Variants in NFIC observed in about 807,000 individuals in gnomAD.
NFIC encodes nuclear factor 1 C-type.
In NFIC, 12 loss-of-function variants were observed where a neutral mutation model predicts 54.4. That is an observed-to-expected ratio of 0.22 (90% CI 0.14 to 0.36). The LOEUF (loss-of-function observed/expected upper bound fraction) is 0.36. Among genes scored for constraint, NFIC ranks in the 10% least tolerant of loss-of-function variants. NFIC has a pLI of 1.00. For synonymous variants in NFIC, 322 were observed against 319.2 expected, an observed-to-expected ratio of 1.01 and a Z score of -0.09; for missense variants, 575 against 718.2, an observed-to-expected ratio of 0.80 and a Z score of 2.28.
chr19:3,413,180 C>T (rs1282696365), intron 2 of NFIC, among the ~76,000 whole-genome samples: 3 of 152,118 alleles, frequency 2.0e-5, no homozygotes, highest in Non-Finnish European at 4.4e-5. Flanking sequence ...AACTCCCGAC[C>T]TCAGGTGATC....
At chr19:3,397,624 T>C (rs2081485486) in intron 2 of NFIC, among the ~76,000 whole-genome samples, 1 of 152,188 alleles carries the variant, frequency 6.6e-6, no homozygotes, top group African/African-American at 2.4e-5. Context: ...CTCCCGGCCT[T>C]GCGAGTCTCC....
At chr19:3,379,912 G>T (rs2145466908) in intron 1 of NFIC, among the ~76,000 whole-genome samples, 1 of 150,670 alleles carries the variant, frequency 6.6e-6, no homozygotes, top group South Asian at 2.1e-4. Context: ...GAACTCCTGG[G>T]CTCAAGCAGT....
intron 6 of NFIC, among the ~76,000 whole-genome samples, chr19:3,435,795 G>T (rs190525146): frequency 3.8e-4 from 56 of 148,190 alleles, no homozygotes; most frequent in African/African-American, 1.4e-3. Context: ...CTTCAGAAGG[G>T]TCCTCTCTGG....
chr19:3,366,358 A>G (rs1291664358), upstream of NFIC, among the ~76,000 whole-genome samples: 12 of 110,060 alleles, frequency 1.1e-4, no homozygotes, highest in African/African-American at 2.1e-4. Flanking sequence ...TGGGAGGGGG[A>G]GGGTGTCAGA....
Position 3,428,035 on chromosome 19 carries a change from A to T in NFIC, c.634+2858A>T, listed in dbSNP as rs144667134. Among the ~76,000 whole-genome samples, 575 of 148,726 alleles carry T rather than the reference A, an allele frequency of 3.9e-3. 3 individuals are homozygous for T. Among genetic ancestry groups the T allele is most frequent in the African/African-American group, 0.014 (550 of 40,166 alleles). On this transcript the variant is annotated intron_variant, in intron 3 of 10. Coordinates refer to ENST00000443272, the MANE Select transcript of NFIC (RefSeq NM_001245002.2). ...ATATACAAAAATTAGCCAGGCGTGG[A>T]GGCACATGCCTGTAATCCCAGCTAC...
chr19:3,378,037 G>A lies in NFIC; in HGVS notation c.31-3675G>A, dbSNP rs1166979606. Among the ~76,000 whole-genome samples, 3 of 152,048 alleles carry A rather than the reference G, an allele frequency of 2.0e-5. No homozygotes were observed. The East Asian group carries it at 5.8e-4, about 30-fold the overall frequency. On this transcript the variant is annotated intron_variant, in intron 1 of 10. Coordinates refer to ENST00000443272, the MANE Select transcript of NFIC (RefSeq NM_001245002.2). ...AGGCAGGTGGACCACCTGAGGTCAG[G>A]AGTTCAAGACCAGCCTGGCCAACAT...
chr19:3,366,687 C>G (rs1326967488), intron 1 of NFIC, 21 bp downstream of exon 1: 3 of 1,384,136 alleles, frequency 2.2e-6, no homozygotes, highest in Admixed American at 3.0e-5. Context: ...CGCCCGGCCC[C>G]CCGCCGGCGC....
intron 2 of NFIC, among the ~76,000 whole-genome samples, chr19:3,412,480 T>A (rs1378819926): frequency 6.6e-6 from 1 of 152,140 alleles, no homozygotes; most frequent in Non-Finnish European, 1.5e-5. Flanking sequence ...CTTGAACTCC[T>A]GACCTCAAGC....
At chr19:3,423,159 C>T (rs1255152997) in intron 2 of NFIC, among the ~76,000 whole-genome samples, 2 of 152,130 alleles carry the variant, frequency 1.3e-5, no homozygotes, top group Non-Finnish European at 2.9e-5. Flanking sequence ...GATCGCACCA[C>T]TGCATTCCAG....
At chr19:3,433,490 T>C in intron 3 of NFIC, 28 bp from the exon 4 acceptor site, 2 of 1,612,292 alleles carry the variant, frequency 1.2e-6, no homozygotes, top group Non-Finnish European at 1.7e-6. Flanking sequence ...CAGCTCAGCC[T>C]ACTGACCCCG....
chr19:3,443,493 C>T (rs191363257), intron 6 of NFIC, among the ~76,000 whole-genome samples: 8 of 152,224 alleles, frequency 5.3e-5, no homozygotes, highest in Admixed American at 2.0e-4. Flanking sequence ...GTGTGGCAGA[C>T]GGTGTGTAAA....
chr19:3,422,145 A>T (rs927007986), intron 2 of NFIC, among the ~76,000 whole-genome samples: 1 of 152,092 alleles, frequency 6.6e-6, no homozygotes, highest in Non-Finnish European at 1.5e-5. Flanking sequence ...CATGTTGATC[A>T]GGCTGGTCTC....
At chr19:3,398,812 C>G (rs889841393) in intron 2 of NFIC, among the ~76,000 whole-genome samples, 1 of 152,196 alleles carries the variant, frequency 6.6e-6, no homozygotes, top group African/African-American at 2.4e-5. Flanking sequence ...GCCGGGCCAG[C>G]GCCCAGCTGG....
At chr19:3,394,514 T>TCC (rs199958298) in intron 2 of NFIC, among the ~76,000 whole-genome samples, 1,645 of 24,740 alleles carry the variant, frequency 0.066, 6 homozygotes, top group East Asian at 0.14. Context: ...TATGATCTTT[T>TCC]CCCCACCCAC....
At chr19:3,443,493 C>G (rs191363257) in intron 6 of NFIC, among the ~76,000 whole-genome samples, 1 of 152,110 alleles carries the variant, frequency 6.6e-6, no homozygotes, top group Non-Finnish European at 1.5e-5. Context: ...GTGTGGCAGA[C>G]GGTGTGTAAA....
At chr19:3,390,294 G>A (rs1201770258) in intron 2 of NFIC, among the ~76,000 whole-genome samples, 4 of 152,246 alleles carry the variant, frequency 2.6e-5, no homozygotes, top group African/African-American at 7.2e-5. Context: ...GCTGCCGGGC[G>A]TGAGTCGCAG....
chr19:3,378,186 G>C (rs1240353825), intron 1 of NFIC, among the ~76,000 whole-genome samples: 2 of 151,690 alleles, frequency 1.3e-5, no homozygotes, highest in African/African-American at 2.4e-5. Flanking sequence ...TCTTGAACCT[G>C]GGAGGCGGAG....
chr19:3,454,368 C>T (rs2082518804), intron 9 of NFIC: 7 of 727,524 alleles, frequency 9.6e-6, no homozygotes, highest in Non-Finnish European at 1.2e-5. Flanking sequence ...AGAGTTCTGG[C>T]TTCTTGGGGA....
Position 3,452,560 on chromosome 19 carries a change from A to C in NFIC, c.1163A>C (p.Tyr388Ser), listed in dbSNP as rs757488936. ...TSILPQTAST[Y>S]FPHTAIRYPP... ...ATCCTACCCCAGACGGCCTCCACCT[A>C]CTTCCCCCACACGGCCATCCGCTAC... The change falls in exon 8 of 11, where the codon TAC becomes TCC. Residue 388 changes from tyrosine to serine, a missense_variant. Around this residue, in one of 3 missense-constraint regions of NFIC, gnomAD observed 447 missense variants for 526.9 expected, o/e 0.85. Coordinates refer to ENST00000443272, the MANE Select transcript of NFIC (RefSeq NM_001245002.2). The surrounding 1 kb of genome is among the most constrained non-coding windows in gnomAD (Gnocchi z 5.3). 6.2e-7 allele frequency: 1 copy of C among 1,613,020 alleles called. No homozygotes were observed. Among genetic ancestry groups the C allele is most frequent in the South Asian group, 1.1e-5 (1 of 91,030 alleles).
Sources: gnomAD v4.1 joint callset for allele counts (sites outside exome capture counted in the v4.1 genomes callset) on GRCh38, gnomAD v4.1.1 for gene constraint, gnomAD v4.1.1 regional missense constraint, Gnocchi (gnomAD v3.1) non-coding constraint, MANE v1.5 for transcripts, NCBI Gene and HGNC (gene_info 2026-07-23, HGNC 2026-07-21) for gene names.